The following GRIK3 variants were observed in gnomAD, a reference collection of about 807,000 sequenced individuals.
GRIK3 encodes the protein glutamate receptor ionotropic, kainate 3.
A neutral mutation model predicts 102.5 loss-of-function variants in GRIK3; 29 were observed. The ratio of observed to expected loss-of-function variants is 0.28; its 90% CI spans 0.21 to 0.39. The LOEUF (loss-of-function observed/expected upper bound fraction) is 0.39, where lower values mean the gene tolerates loss of function less well. GRIK3 is among the 10% of genes least tolerant of loss of function. The probability of loss-of-function intolerance (pLI) is 1.00; values close to 1 mark genes in which losing one functional copy is unlikely to be tolerated. For missense variants in GRIK3, 908 were observed against 1,252.4 expected (o/e 0.73, Z 4.15); for synonymous variants, 511 against 504.9 (o/e 1.01, Z -0.16).
At chr1:36,911,027 G>A (rs1045885418) in intron 1 of GRIK3, among the ~76,000 whole-genome samples, 17 of 152,180 alleles carry the variant, frequency 1.1e-4, no homozygotes, top group African/African-American at 2.7e-4. Flanking sequence ...TGACCTGCTC[G>A]GAGCTGAGCT....
intron 11 of GRIK3, among the ~76,000 whole-genome samples, chr1:36,821,148 T>G (rs1642691792): frequency 2.0e-5 from 3 of 152,232 alleles, no homozygotes; most frequent in Admixed American, 2.0e-4. Flanking sequence ...CTGTAATATA[T>G]TATACATTGA....
intron 3 of GRIK3, among the ~76,000 whole-genome samples, chr1:36,878,646 A>G (rs975585650): frequency 6.6e-6 from 1 of 152,220 alleles, no homozygotes; most frequent in Admixed American, 6.5e-5. Flanking sequence ...TTGGGACTCA[A>G]GCCTTTGGAA....
At chr1:36,972,109 C>T (rs1382803238) in intron 1 of GRIK3, among the ~76,000 whole-genome samples, 2 of 152,248 alleles carry the variant, frequency 1.3e-5, no homozygotes, top group Non-Finnish European at 2.9e-5. Context: ...TCATCCCAGC[C>T]AGGCCACACG....
chr1:36,876,272 G>A (rs1022737850), intron 3 of GRIK3, among the ~76,000 whole-genome samples: 1 of 152,096 alleles, frequency 6.6e-6, no homozygotes, highest in South Asian at 2.1e-4. Flanking sequence ...TGGGAGGACC[G>A]TTTGAGCCCT....
At chr1:36,920,553 T>C (rs1435529688) in intron 1 of GRIK3, among the ~76,000 whole-genome samples, 2 of 152,172 alleles carry the variant, frequency 1.3e-5, no homozygotes, top group Admixed American at 6.5e-5. Flanking sequence ...GTTCAGCACC[T>C]GCTTCCCATG....
Position 36,803,731 on chromosome 1 carries a change from G to C in GRIK3, c.2565+1256C>G, listed in dbSNP as rs150977358. The stretch of plus-strand genomic sequence containing the variant: ...GGCGTGAGCCACCGCACCTGGCTGG[G>C]AGCTCCTTTTAACTGTAATGGGAAT... On this transcript the variant is annotated intron_variant, in intron 15 of 15. Coordinates refer to ENST00000373091, the MANE Select transcript of GRIK3 (RefSeq NM_000831.4). 9.8e-3 allele frequency among the ~76,000 whole-genome samples: 1,498 copies of C among 152,234 alleles called. 11 individuals carry two copies. Among genetic ancestry groups the C allele is most frequent in the Non-Finnish European group, 0.017 (1,143 of 67,994 alleles).
rs536256774 is a variant in GRIK3, at chr1:36,798,003, G to C, written c.*3848C>G. The C allele has an allele frequency of 6.6e-6, 1 of 152,384 alleles. No homozygotes were observed. The highest frequency in any genetic ancestry group is 2.4e-5 in the African/African-American group (1 of 41,570). 9.4% of individuals were successfully genotyped at this position (152,384 alleles called of 1,614,324 possible). A position where few individuals can be genotyped will look rare whatever the true frequency, so the allele number is the denominator to read the frequency against. The stretch of plus-strand genomic sequence containing the variant: ...GTGCTTCCAGGTTAGATAGAGTCTC[G>C]GCTGTGAGGAGGGGGTGGCCCTCTT... On this transcript the variant is annotated 3_prime_UTR_variant, in exon 16 of 16. Transcript: ENST00000373091.
chr1:36,984,417 C>T (rs532484115), intron 1 of GRIK3, among the ~76,000 whole-genome samples: 7 of 152,348 alleles, frequency 4.6e-5, no homozygotes, highest in South Asian at 2.1e-4. Flanking sequence ...AGTGTAAAGA[C>T]GAAAGCTGTC....
At position 37,032,929 on chromosome 1, in the gene GRIK3, T is replaced by C. The variant is rs541537578; in HGVS notation, c.115+1065A>G. Reference sequence around the variant, plus strand: ...CAAGGTCCGCCCTGAAGAAGAGCTGTAGAGGAGGAAGGTGGCCCTGGCTCG... The same window carrying C: ...CAAGGTCCGCCCTGAAGAAGAGCTGCAGAGGAGGAAGGTGGCCCTGGCTCG... On this transcript the variant is annotated intron_variant, in intron 1 of 15. Transcript: ENST00000373091. Among the ~76,000 whole-genome samples, 28 of 152,132 alleles carry C rather than the reference T, an allele frequency of 1.8e-4. No homozygotes were observed. The South Asian group carries it at 5.8e-3, about 32-fold the overall frequency.
intron 1 of GRIK3, among the ~76,000 whole-genome samples, chr1:37,005,093 A>G (rs1570859692): frequency 6.6e-6 from 1 of 152,012 alleles, no homozygotes; most frequent in Non-Finnish European, 1.5e-5. Flanking sequence ...TTCTATTTTC[A>G]CCTGCTGAAC....
At chr1:36,968,908 G>A (rs963710805) in intron 1 of GRIK3, among the ~76,000 whole-genome samples, 5 of 152,322 alleles carry the variant, frequency 3.3e-5, no homozygotes, top group African/African-American at 1.2e-4. Context: ...CTCATCCAGA[G>A]ACAAAGCCAA....
At chr1:36,957,532 C>A (rs1450937776) in intron 1 of GRIK3, among the ~76,000 whole-genome samples, 2 of 98,412 alleles carry the variant, frequency 2.0e-5, no homozygotes, top group Non-Finnish European at 4.6e-5. Flanking sequence ...AGCCTGTGTG[C>A]CCCGTGTCCT....
intron 1 of GRIK3, among the ~76,000 whole-genome samples, chr1:36,893,170 T>C (rs927328864): frequency 6.6e-6 from 1 of 152,014 alleles, no homozygotes; most frequent in Non-Finnish European, 1.5e-5. Flanking sequence ...TCAGAAACCA[T>C]AAAAGAAAGT....
rs1316311701 is a variant in GRIK3, at chr1:36,860,555, T to A, written c.787-538A>T. ...CAGGACCTCCTCATCCCTTGCCTCC[T>A]AGGAGCAGCTGAGCAGCGGTCAGCC... On this transcript the variant is annotated intron_variant, in intron 5 of 15. Transcript: ENST00000373091. Among the ~76,000 whole-genome samples, 4 of 152,170 alleles carry A rather than the reference T, an allele frequency of 2.6e-5. No homozygotes were observed. In the East Asian group the frequency reaches 7.7e-4, roughly 29 times the overall value.
chr1:36,849,064 C>A (rs117079789), intron 9 of GRIK3, among the ~76,000 whole-genome samples: 11 of 152,116 alleles, frequency 7.2e-5, no homozygotes, highest in Non-Finnish European at 1.5e-4. Context: ...CCCCGAGGGC[C>A]GATGGTGAGA....
intron 13 of GRIK3, among the ~76,000 whole-genome samples, chr1:36,809,159 A>G (rs1642531871): frequency 6.6e-6 from 1 of 151,314 alleles, no homozygotes; most frequent in African/African-American, 2.4e-5. Context: ...CAACCCATCC[A>G]TCCATCCATC....
intron 1 of GRIK3, among the ~76,000 whole-genome samples, chr1:36,933,355 A>T (rs1641618359): frequency 6.6e-6 from 1 of 152,222 alleles, no homozygotes. Flanking sequence ...TCACCACTCC[A>T]TGTGCTGCCT....
intron 1 of GRIK3, among the ~76,000 whole-genome samples, chr1:36,941,523 C>T (rs947795965): frequency 1.2e-4 from 18 of 152,066 alleles, no homozygotes; most frequent in African/African-American, 4.1e-4. Flanking sequence ...TGCTGGCTGG[C>T]TCTCTCTTTC....
Position 36,889,545 on chromosome 1 carries a change from G to A in GRIK3, c.292+1375C>T, listed in dbSNP as rs542083099. Among the ~76,000 whole-genome samples the A allele has an allele frequency of 3.5e-4, 53 of 152,190 alleles. 1 individual carries two copies. Among genetic ancestry groups the A allele is most frequent in the African/African-American group, 1.2e-3 (51 of 41,518 alleles). ...TCATGTCATCTGGTTGGGGGGAGGCGGGGAGTGGAGGGGTTGTGGCTTTGG... is the reference window on the plus strand; with the variant it reads ...TCATGTCATCTGGTTGGGGGGAGGCAGGGAGTGGAGGGGTTGTGGCTTTGG... On this transcript the variant is annotated intron_variant, in intron 2 of 15. Coordinates refer to ENST00000373091, the MANE Select transcript of GRIK3 (RefSeq NM_000831.4).
Sources: allele counts gnomAD v4.1 joint callset (sites outside exome capture counted in the v4.1 genomes callset), GRCh38; gene constraint gnomAD v4.1.1; transcripts MANE v1.5; gene names NCBI Gene and HGNC (gene_info 2026-07-23, HGNC 2026-07-21).